FAT3: variants seen among roughly 807,000 people sequenced by gnomAD.
The protein encoded by FAT3 is FAT atypical cadherin 3, also known as protocadherin Fat 3.
A neutral mutation model predicts 310.2 loss-of-function variants in FAT3; 95 were observed. The ratio of observed to expected loss-of-function variants is 0.31; its 90% confidence interval spans 0.26 to 0.36. The LOEUF (loss-of-function observed/expected upper bound fraction) is 0.36, where lower values mean the gene tolerates loss of function less well. FAT3 is among the 10% of genes least tolerant of loss of function. The pLI is 1.00. For missense variants in FAT3, 5,408 were observed against 5,715.6 expected (o/e 0.95, Z 1.74); for synonymous variants, 2,314 against 2,192.9 (o/e 1.06, Z -1.54).
chr11:92,779,978 G>A (rs754263117), intron 7 of FAT3, among the ~76,000 whole-genome samples: 2 of 152,030 alleles, frequency 1.3e-5, no homozygotes, highest in African/African-American at 4.8e-5. Context: ...AGGGGCCTCC[G>A]TTCTACAACC....
chr11:92,262,468 C>A (rs910154809), intron 1 of FAT3, among the ~76,000 whole-genome samples: 2 of 152,086 alleles, frequency 1.3e-5, no homozygotes, highest in African/African-American at 4.8e-5. Context: ...TAGACCCAAT[C>A]CCTGAGCCAT....
chr11:92,819,170 T>C (rs1947897423), intron 13 of FAT3, among the ~76,000 whole-genome samples: 1 of 152,160 alleles, frequency 6.6e-6, no homozygotes, highest in Non-Finnish European at 1.5e-5. Context: ...GACAACATGA[T>C]AGGGGCCACA....
chr11:92,621,825 C>T (rs990099916), intron 3 of FAT3, among the ~76,000 whole-genome samples: 1 of 152,148 alleles, frequency 6.6e-6, no homozygotes, highest in South Asian at 2.1e-4. Context: ...TGAATATTCA[C>T]AGTGTTGTTT....
At chr11:92,594,997 A>ATGTGTGTGTG (rs56275316) in intron 3 of FAT3, among the ~76,000 whole-genome samples, 29 of 149,340 alleles carry the variant, frequency 1.9e-4, no homozygotes, top group South Asian at 8.6e-4. Context: ...TCATGAATAA[A>ATGTGTGTGTG]TGTGTGTGTG....
chr11:92,457,917 A>G (rs1951537546), intron 2 of FAT3, among the ~76,000 whole-genome samples: 1 of 152,198 alleles, frequency 6.6e-6, no homozygotes, highest in Admixed American at 6.5e-5. Flanking sequence ...GCGAGACTCC[A>G]TCTCAAAAAA....
intron 1 of FAT3, among the ~76,000 whole-genome samples, chr11:92,323,309 C>T (rs1001586957): frequency 9.9e-5 from 15 of 152,142 alleles, no homozygotes; most frequent in African/African-American, 3.4e-4. Flanking sequence ...AGTGCAATGG[C>T]GTGATCATGG....
chr11:92,320,348 T>G (rs778864858), intron 1 of FAT3, among the ~76,000 whole-genome samples: 1 of 152,030 alleles, frequency 6.6e-6, no homozygotes, highest in South Asian at 2.1e-4. Flanking sequence ...CAGCAGAACA[T>G]CGTTTATCCA....
intron 2 of FAT3, among the ~76,000 whole-genome samples, chr11:92,489,406 C>T (rs956070547): frequency 6.6e-6 from 1 of 152,034 alleles, no homozygotes; most frequent in Non-Finnish European, 1.5e-5. Context: ...TGTATTTAGT[C>T]CCCGAATGTA....
chr11:92,238,976 C>T (rs1179579387), intron 1 of FAT3, among the ~76,000 whole-genome samples: 3 of 152,036 alleles, frequency 2.0e-5, no homozygotes, highest in East Asian at 1.9e-4. Context: ...TTCATTTTTG[C>T]GTTTGTTAAT....
intron 2 of FAT3, chr11:92,367,016 G>A: frequency 1.9e-6 from 1 of 515,790 alleles, no homozygotes; most frequent in Non-Finnish European, 3.9e-6. Flanking sequence ...ATTACTGGCA[G>A]CCACATCTGA....
chr11:92,519,276 G>A (rs529388529), intron 2 of FAT3, among the ~76,000 whole-genome samples: 2 of 152,202 alleles, frequency 1.3e-5, no homozygotes, highest in East Asian at 3.9e-4. Context: ...CAGGTGCAAA[G>A]GCAGTTCAGT....
rs563668435 is a variant in FAT3, at chr11:92,891,138, C to T, written c.*25C>T. Reference sequence around the variant, plus strand: ...GACATCACATCTTGGGTACTTCACCCTGTTTGTTACAGAAAAGTGGAAGCA... The same window carrying T: ...GACATCACATCTTGGGTACTTCACCTTGTTTGTTACAGAAAAGTGGAAGCA... On this transcript the variant is annotated 3_prime_UTR_variant, in exon 28 of 28. Transcript: ENST00000525166. 3 of 1,603,788 alleles carry T rather than the reference C, an allele frequency of 1.9e-6. No individual in the cohort carries two copies. Among genetic ancestry groups the T allele is most frequent in the African/African-American group, 2.7e-5 (2 of 74,916 alleles).
intron 4 of FAT3, among the ~76,000 whole-genome samples, chr11:92,716,822 G>A (rs1272972537): frequency 6.6e-6 from 1 of 152,168 alleles, no homozygotes; most frequent in Non-Finnish European, 1.5e-5. Flanking sequence ...CTTTATGATT[G>A]TAGTAGAGAT....
intron 22 of FAT3, among the ~76,000 whole-genome samples, chr11:92,878,838 G>A (rs971412632): frequency 1.3e-5 from 2 of 151,526 alleles, no homozygotes; most frequent in African/African-American, 4.8e-5. Context: ...CCAAAAAATA[G>A]AAGTTCCATA....
At chr11:92,469,318 A>G (rs928926520) in intron 2 of FAT3, among the ~76,000 whole-genome samples, 1 of 152,126 alleles carries the variant, frequency 6.6e-6, no homozygotes, top group Non-Finnish European at 1.5e-5. Context: ...TAAAGCACTT[A>G]TTTGCCTTCA....
At chr11:92,667,796 G>A (rs1943004753) in intron 3 of FAT3, among the ~76,000 whole-genome samples, 1 of 152,190 alleles carries the variant, frequency 6.6e-6, no homozygotes, top group Non-Finnish European at 1.5e-5. Context: ...ACTCCTTTGT[G>A]GAGCTGGGGC....
intron 7 of FAT3, among the ~76,000 whole-genome samples, chr11:92,789,253 G>A (rs1411966824): frequency 6.6e-6 from 1 of 152,158 alleles, no homozygotes; most frequent in Non-Finnish European, 1.5e-5. Flanking sequence ...GTGGGAGTTT[G>A]ATGAAACCAG....
At chr11:92,815,145 T>C (rs1236888270) in intron 13 of FAT3, among the ~76,000 whole-genome samples, 1 of 152,062 alleles carries the variant, frequency 6.6e-6, no homozygotes, top group East Asian at 1.9e-4. Flanking sequence ...ATTTGGAGTT[T>C]GGGGGATGCT....
Position 92,844,500 on chromosome 11 carries a change from G to A in FAT3, c.11133G>A (p.Glu3711=), listed in dbSNP as rs780493040. The A allele has an allele frequency of 5.6e-6, 9 of 1,613,942 alleles. No individual in the cohort carries two copies. In the East Asian group the frequency reaches 1.3e-4, roughly 24 times the overall value. Residue 3711 remains glutamate, a synonymous_variant, in exon 19 of 28, where the codon GAG becomes GAA. Coordinates refer to ENST00000525166, the MANE Select transcript of FAT3 (RefSeq NM_001367949.2). Reference sequence around the variant, plus strand: ...TTGCGGTGGAGATGCACAGCAGCGAGTTCTACAAGCCAGCCTACCTGATCC... The same window carrying A: ...TTGCGGTGGAGATGCACAGCAGCGAATTCTACAAGCCAGCCTACCTGATCC... ...MLFAVEMHSS[E]FYKPAYLIQK... is the part of the protein sequence containing the mutation.
Sources: allele counts gnomAD v4.1 joint callset (sites outside exome capture counted in the v4.1 genomes callset), GRCh38; gene constraint gnomAD v4.1.1; transcripts MANE v1.5; gene names NCBI Gene and HGNC (gene_info 2026-07-23, HGNC 2026-07-21).